The following DLGAP2 variants were observed in gnomAD, a reference collection of about 807,000 sequenced individuals.
DLGAP2 encodes the protein DLG associated protein 2, also known as disks large-associated protein 2.
Under a neutral mutation model 100.3 loss-of-function variants are expected in DLGAP2, and 26 were observed. The observed-to-expected ratio is 0.26, with a 90% CI of 0.19 to 0.36. The LOEUF (loss-of-function observed/expected upper bound fraction) is 0.36. DLGAP2 is among the 10% of genes least tolerant of loss of function. The pLI is 1.00. For synonymous variants in DLGAP2, 886 were observed against 630.1 expected (o/e 1.41, Z -6.08); for missense variants, 1,858 against 1,453.2 (o/e 1.28, Z -4.53).
intron 3 of DLGAP2, among the ~76,000 whole-genome samples, chr8:1,323,931 G>A (rs909994173): frequency 6.6e-6 from 1 of 152,128 alleles, no homozygotes; most frequent in Non-Finnish European, 1.5e-5. Flanking sequence ...TGCCTCATTC[G>A]GAAAGCCCAG....
chr8:955,954 G>A (rs141365948), intron 2 of DLGAP2, among the ~76,000 whole-genome samples: 6 of 152,194 alleles, frequency 3.9e-5, no homozygotes, highest in Admixed American at 2.0e-4. Flanking sequence ...TTGAAGTCTT[G>A]GCTTTAACCT....
At chr8:1,226,280 C>T (rs1394835458) in intron 2 of DLGAP2, among the ~76,000 whole-genome samples, 1 of 152,148 alleles carries the variant, frequency 6.6e-6, no homozygotes, top group African/African-American at 2.4e-5. Flanking sequence ...CCATGGAATA[C>T]TATGCAGCCA....
chr8:1,180,873 ATGT>A (rs34512508), intron 2 of DLGAP2, among the ~76,000 whole-genome samples: 70,234 of 127,822 alleles, frequency 0.55, 19,886 homozygotes, highest in Admixed American at 0.64. Context: ...AATGTGGTGC[ATGT>A]TGTGTGTAAG....
intron 2 of DLGAP2, among the ~76,000 whole-genome samples, chr8:1,058,915 A>G (rs1802965271): frequency 6.6e-6 from 1 of 152,192 alleles, no homozygotes; most frequent in Admixed American, 6.5e-5. Flanking sequence ...AAAAGACCTC[A>G]TCAAAACTGG....
At chr8:1,213,988 C>G (rs1341271912) in intron 2 of DLGAP2, among the ~76,000 whole-genome samples, 1 of 151,332 alleles carries the variant, frequency 6.6e-6, no homozygotes, top group African/African-American at 2.5e-5. Flanking sequence ...GCCGCCTCTG[C>G]CCTAGCATCC....
At chr8:1,361,683 A>G (rs921465348) in intron 3 of DLGAP2, among the ~76,000 whole-genome samples, 2 of 152,210 alleles carry the variant, frequency 1.3e-5, no homozygotes, top group Non-Finnish European at 2.9e-5. Context: ...TACTAAATTG[A>G]TGTCAAGCAC....
chr8:1,573,937 G>C (rs1802859725), intron 6 of DLGAP2, among the ~76,000 whole-genome samples: 1 of 152,150 alleles, frequency 6.6e-6, no homozygotes, highest in African/African-American at 2.4e-5. Flanking sequence ...AGTGGCGTAG[G>C]TAACTTACAA....
At chr8:1,006,956 G>A (rs889429421) in intron 2 of DLGAP2, among the ~76,000 whole-genome samples, 7 of 145,822 alleles carry the variant, frequency 4.8e-5, no homozygotes, top group Non-Finnish European at 4.5e-5. Flanking sequence ...TTATCACGTC[G>A]GGGACACCGT....
intron 2 of DLGAP2, among the ~76,000 whole-genome samples, chr8:1,227,176 TATAG>T (rs1798439031): frequency 3.4e-5 from 2 of 58,918 alleles, no homozygotes; most frequent in South Asian, 7.0e-4. Flanking sequence ...ATATATATAG[TATAG>T]ATATATATTA....
At chr8:1,141,155 GA>G (rs1796515711) in intron 2 of DLGAP2, among the ~76,000 whole-genome samples, 1 of 152,204 alleles carries the variant, frequency 6.6e-6, no homozygotes, top group Non-Finnish European at 1.5e-5. Flanking sequence ...CCTGGGGAGG[GA>G]CTGAGGGGCT....
intron 8 of DLGAP2, among the ~76,000 whole-genome samples, chr8:1,636,981 G>A (rs760208650): frequency 1.3e-5 from 2 of 152,344 alleles, no homozygotes; most frequent in South Asian, 2.1e-4. Context: ...TGGTAAACCC[G>A]GCCGATGGCT....
intron 3 of DLGAP2, among the ~76,000 whole-genome samples, chr8:1,315,208 A>T (rs901793353): frequency 6.6e-6 from 1 of 152,234 alleles, no homozygotes; most frequent in Non-Finnish European, 1.5e-5. Flanking sequence ...GGCAGCTTTT[A>T]AAAATAGAGC....
intron 3 of DLGAP2, among the ~76,000 whole-genome samples, chr8:1,426,365 C>A (rs983381738): frequency 6.6e-6 from 1 of 152,010 alleles, no homozygotes; most frequent in East Asian, 1.9e-4. Flanking sequence ...GCTGAGTTGC[C>A]CACGAGAACA....
chr8:801,081 A>G (rs1266396678), intron 1 of DLGAP2, among the ~76,000 whole-genome samples: 1 of 354 alleles, frequency 2.8e-3, no homozygotes, highest in African/African-American at 0.01. Context: ...TGGTCTTCTC[A>G]CCACGCTGCG....
chr8:1,036,281 G>A (rs1489592879), intron 2 of DLGAP2, among the ~76,000 whole-genome samples: 1 of 152,260 alleles, frequency 6.6e-6, no homozygotes, highest in Non-Finnish European at 1.5e-5. Context: ...CGTGTTTAAT[G>A]AACACTGTGC....
At chr8:1,523,129 C>T (rs1239344435) in intron 4 of DLGAP2, among the ~76,000 whole-genome samples, 2 of 152,180 alleles carry the variant, frequency 1.3e-5, no homozygotes, top group Admixed American at 6.5e-5. Context: ...TTTCACGCCA[C>T]GCGTATGATA....
intron 2 of DLGAP2, among the ~76,000 whole-genome samples, chr8:1,178,025 C>A (rs548508255): frequency 1.3e-5 from 2 of 152,154 alleles, no homozygotes; most frequent in African/African-American, 4.8e-5. Context: ...TGAAGGGATT[C>A]GGCCATGGCC....
chr8:1,172,334 A>T (rs1435587784), intron 2 of DLGAP2, among the ~76,000 whole-genome samples: 1 of 151,310 alleles, frequency 6.6e-6, no homozygotes, highest in African/African-American at 2.4e-5. Context: ...CTTCATTTCC[A>T]CTTTGGTGAA....
chr8:1,452,054 C>T (rs1209171787), intron 3 of DLGAP2, among the ~76,000 whole-genome samples: 2 of 152,270 alleles, frequency 1.3e-5, no homozygotes, highest in East Asian at 1.9e-4. Flanking sequence ...ACCGAGGCAT[C>T]CGGATCTGAG....
Sources: gnomAD v4.1 joint callset for allele counts (sites outside exome capture counted in the v4.1 genomes callset) on GRCh38, gnomAD v4.1.1 for gene constraint, MANE v1.5 for transcripts, NCBI Gene and HGNC (gene_info 2026-07-23, HGNC 2026-07-21) for gene names.